Variants in PTPRG observed in about 807,000 individuals in gnomAD.
PTPRG encodes the protein protein tyrosine phosphatase receptor type G, also known as receptor-type tyrosine-protein phosphatase gamma.
PTPRG carries 102 observed loss-of-function variants against 165.3 expected under a neutral mutation model. The ratio of observed to expected loss-of-function variants is 0.62; its 90% CI spans 0.53 to 0.73. The LOEUF (loss-of-function observed/expected upper bound fraction) is 0.73. PTPRG is among the 30% of genes least tolerant of loss of function. PTPRG has a pLI of 0.00. For missense variants in PTPRG, 1,866 were observed against 1,861.4 expected, an observed-to-expected ratio of 1.00 and a Z score of -0.05; for synonymous variants, 675 against 669.5, an observed-to-expected ratio of 1.01 and a Z score of -0.13.
chr3:62,233,911 A>T lies in PTPRG; in HGVS notation c.2375+2600A>T, dbSNP rs1700963652. Among the ~76,000 whole-genome samples the T allele has an allele frequency of 6.6e-6, 1 of 152,216 alleles. No homozygotes were observed. The highest frequency in any genetic ancestry group is 2.4e-5 in the African/African-American group (1 of 41,448). ...TAATACTTGACATGATTCAAAATAA[A>T]AAAGTTTAAAATTATATGCACCACT... On this transcript the variant is annotated intron_variant, in intron 14 of 29. Transcript: ENST00000474889. The surrounding 1 kb of genome is among the most constrained non-coding windows in gnomAD (Gnocchi z 4.7).
At chr3:61,810,878 A>T (rs2035553748) in intron 2 of PTPRG, among the ~76,000 whole-genome samples, 1 of 151,842 alleles carries the variant, frequency 6.6e-6, no homozygotes, top group Admixed American at 6.6e-5. Context: ...TCCACCATCA[A>T]GGTGACATCA....
In PTPRG at chr3:61,846,306, G is replaced by A. The variant is rs543818985; in HGVS notation, c.190+97324G>A. On this transcript the variant is annotated intron_variant, in intron 2 of 29. Transcript: ENST00000474889. ...GCAATTAATATCCGAGTGATGAATTGTCTTCCTATAAGAAGCAGCTAGGAA... is the reference window on the plus strand; with the variant it reads ...GCAATTAATATCCGAGTGATGAATTATCTTCCTATAAGAAGCAGCTAGGAA... Among the ~76,000 whole-genome samples, 73 of 152,234 alleles carry A rather than the reference G, an allele frequency of 4.8e-4. 2 individuals are homozygous for A. In the South Asian group the frequency reaches 0.015, roughly 31 times the overall value.
chr3:61,618,618 C>A (rs1559526415), intron 1 of PTPRG, among the ~76,000 whole-genome samples: 1 of 152,128 alleles, frequency 6.6e-6, no homozygotes, highest in Non-Finnish European at 1.5e-5. Flanking sequence ...TAACCTCTTT[C>A]TTTCCTTGAA....
intron 1 of PTPRG, among the ~76,000 whole-genome samples, chr3:61,601,322 G>A (rs902109917): frequency 1.3e-5 from 2 of 152,168 alleles, no homozygotes; most frequent in Non-Finnish European, 1.5e-5. Context: ...GCTTCTGTTC[G>A]ATGCCTGCCT....
At position 62,229,617 on chromosome 3, in the gene PTPRG, T is replaced by C. The variant is rs1206434761; in HGVS notation, c.2289-1608T>C. 1.3e-5 allele frequency among the ~76,000 whole-genome samples: 2 copies of C among 152,246 alleles called. No individual in the cohort carries two copies. Among genetic ancestry groups the C allele is most frequent in the African/African-American group, 2.4e-5 (1 of 41,460 alleles). ...TTTCAGGAAAGGGAAGCTCCTTGTA[T>C]GTTCAGTCTATTCTAGGTAACAACC... On this transcript the variant is annotated intron_variant, in intron 13 of 29. Transcript: ENST00000474889. This position sits in a 1 kb window ranked among gnomAD's most constrained non-coding sequence, Gnocchi z 4.6.
chr3:61,585,206 G>A (rs538575518), intron 1 of PTPRG, among the ~76,000 whole-genome samples: 2 of 150,264 alleles, frequency 1.3e-5, no homozygotes, highest in South Asian at 2.1e-4. Context: ...ACTTGAACCT[G>A]GGAGGCAGAG....
chr3:61,719,199 TA>T (rs1379043814), intron 1 of PTPRG, among the ~76,000 whole-genome samples: 3 of 152,192 alleles, frequency 2.0e-5, no homozygotes, highest in Non-Finnish European at 4.4e-5. Context: ...GGCAATTGGA[TA>T]TGAATTGTAG....
intron 13 of PTPRG, among the ~76,000 whole-genome samples, chr3:62,221,811 C>T (rs979306147): frequency 6.6e-6 from 1 of 152,182 alleles, no homozygotes; most frequent in Non-Finnish European, 1.5e-5. Context: ...TGTGTTTTCT[C>T]CAAGTTGTTG....
chr3:62,032,266 C>T (rs1264195021), intron 4 of PTPRG, among the ~76,000 whole-genome samples: 1 of 152,136 alleles, frequency 6.6e-6, no homozygotes, highest in Non-Finnish European at 1.5e-5. Context: ...AAAAGTGCCA[C>T]CTATTCCCTG....
At chr3:61,629,306 C>A (rs1701701712) in intron 1 of PTPRG, among the ~76,000 whole-genome samples, 1 of 152,118 alleles carries the variant, frequency 6.6e-6, no homozygotes, top group African/African-American at 2.4e-5. Context: ...AGGCACCCAC[C>A]ACCATGACCG....
At chr3:62,204,538 C>T (rs886623656) in intron 12 of PTPRG, among the ~76,000 whole-genome samples, 1 of 151,988 alleles carries the variant, frequency 6.6e-6, no homozygotes, top group Non-Finnish European at 1.5e-5. Context: ...CTGAAGTTTT[C>T]GATTGTGAAA....
chr3:61,580,212 C>A (rs1395083201), intron 1 of PTPRG, among the ~76,000 whole-genome samples: 1 of 152,034 alleles, frequency 6.6e-6, no homozygotes, highest in Non-Finnish European at 1.5e-5. Flanking sequence ...GAGGCTGAGG[C>A]AGGAGGATTG....
At chr3:61,754,510 A>G (rs186104458) in intron 2 of PTPRG, among the ~76,000 whole-genome samples, 1 of 152,250 alleles carries the variant, frequency 6.6e-6, no homozygotes, top group East Asian at 1.9e-4. Flanking sequence ...TATTGCTTAT[A>G]ATTCCTTGTT....
intron 2 of PTPRG, among the ~76,000 whole-genome samples, chr3:61,751,996 A>G (rs997788028): frequency 6.8e-6 from 1 of 148,038 alleles, no homozygotes; most frequent in Admixed American, 6.8e-5. Context: ...TCTGTCTCAG[A>G]AAAAAAAAAA....
At chr3:62,088,198 G>C (rs905784125) in intron 5 of PTPRG, among the ~76,000 whole-genome samples, 1 of 152,190 alleles carries the variant, frequency 6.6e-6, no homozygotes, top group African/African-American at 2.4e-5. Context: ...ATCTCACGGA[G>C]AGTGCCCAGG....
At chr3:61,966,622 T>C (rs996259253) in intron 2 of PTPRG, among the ~76,000 whole-genome samples, 3 of 152,122 alleles carry the variant, frequency 2.0e-5, no homozygotes, top group African/African-American at 7.2e-5. Context: ...TTTCATTCAT[T>C]CGTGTTTTTT....
chr3:61,996,554 C>T lies in PTPRG; in HGVS notation c.370+6750C>T, dbSNP rs79252797. ...AGACAGACATTTGGAAACATCTGGG[C>T]CCTTGGCATTGTTTATATTGGGCGT... On this transcript the variant is annotated intron_variant, in intron 3 of 29. Transcript: ENST00000474889. 4.7e-3 allele frequency among the ~76,000 whole-genome samples: 717 copies of T among 152,250 alleles called. 5 individuals are homozygous for T. The highest frequency in any genetic ancestry group is 0.016 in the African/African-American group (652 of 41,556).
intron 1 of PTPRG, among the ~76,000 whole-genome samples, chr3:61,589,329 A>T (rs1700509970): frequency 1.3e-5 from 2 of 152,126 alleles, no homozygotes; most frequent in South Asian, 4.1e-4. Flanking sequence ...ATACCATCTC[A>T]TTAAGGAAAC....
intron 2 of PTPRG, among the ~76,000 whole-genome samples, chr3:61,930,001 T>C (rs949155313): frequency 1.3e-5 from 2 of 152,170 alleles, no homozygotes; most frequent in African/African-American, 4.8e-5. Flanking sequence ...GATACTAGGA[T>C]ATTGACATAC....
Sources: gnomAD v4.1 joint callset for allele counts (sites outside exome capture counted in the v4.1 genomes callset) on GRCh38, gnomAD v4.1.1 for gene constraint, Gnocchi (gnomAD v3.1) non-coding constraint, MANE v1.5 for transcripts, NCBI Gene and HGNC (gene_info 2026-07-23, HGNC 2026-07-21) for gene names.